Variants in MMP28 observed in about 807,000 individuals in gnomAD.
MMP28 encodes the protein matrix metallopeptidase 28, also known as matrix metalloproteinase-28.
A neutral mutation model predicts 60.5 loss-of-function variants in MMP28; 55 were observed. The observed-to-expected ratio is 0.91, with a 90% CI of 0.73 to 1.14. The LOEUF (loss-of-function observed/expected upper bound fraction) is 1.14, where lower values mean the gene tolerates loss of function less well. Ranked by LOEUF, MMP28 falls within the 50% of genes most tolerant of loss-of-function variation. The pLI is 0.00. For synonymous variants in MMP28, 318 were observed against 312.5 expected (o/e 1.02, Z -0.18); for missense variants, 686 against 738.3 (o/e 0.93, Z 0.82).
intron 1 of MMP28, among the ~76,000 whole-genome samples, chr17:35,794,245 C>CTTT (rs749895795): frequency 7.5e-6 from 1 of 133,602 alleles, no homozygotes; most frequent in Non-Finnish European, 1.6e-5. Context: ...ATTACAACCA[C>CTTT]TTTTTTTTTT....
intron 1 of MMP28, among the ~76,000 whole-genome samples, chr17:35,784,879 T>A (rs2086604816): frequency 6.6e-6 from 1 of 152,162 alleles, no homozygotes; most frequent in Non-Finnish European, 1.5e-5. Flanking sequence ...CCAGGTTTTC[T>A]CTCTTCTCTA....
chr17:35,794,245 C>CTT (rs749895795), intron 1 of MMP28, among the ~76,000 whole-genome samples: 47 of 133,604 alleles, frequency 3.5e-4, no homozygotes, highest in African/African-American at 7.4e-4. Context: ...ATTACAACCA[C>CTT]TTTTTTTTTT....
downstream of MMP28, chr17:35,765,062 C>T (rs2085907950): frequency 6.5e-6 from 1 of 152,694 alleles, no homozygotes; most frequent in African/African-American, 2.4e-5. Context: ...TTCAATAAAA[C>T]CTCTGATCAA....
chr17:35,767,288 G>T (rs756897808), intron 7 of MMP28, among the ~76,000 whole-genome samples: 2 of 152,160 alleles, frequency 1.3e-5, no homozygotes, highest in Non-Finnish European at 2.9e-5. Context: ...ACAAATGAAT[G>T]AATACTATTT....
rs759609205 is a variant in MMP28, at chr17:35,768,364, C to G, written c.866G>C (p.Gly289Ala). 9 of 1,610,134 alleles carry G rather than the reference C, an allele frequency of 5.6e-6. No individual in the cohort carries two copies. The highest frequency in any genetic ancestry group is 7.6e-6 in the Non-Finnish European group (9 of 1,178,400). Residue 289 changes from glycine to alanine, a missense_variant, in exon 6 of 8, where the codon GGC (glycine) becomes GCC (alanine). Gly to Ala is a moderately conservative substitution (Grantham distance 60, BLOSUM62 0). Coordinates refer to ENST00000605424, the MANE Select transcript of MMP28 (RefSeq NM_024302.5). The stretch of plus-strand genomic sequence containing the variant: ...TCCTGGGAGCTGGACGGCCACTGAG[C>G]CCCCTAGGGGCTTCCCTTTGTGAGT... ...VQSLYGKPLG[G>A]SVAVQLPGKL...
downstream of MMP28, chr17:35,764,536 T>C (rs1555602394): frequency 6.3e-7 from 1 of 1,598,010 alleles, no homozygotes; most frequent in Non-Finnish European, 8.5e-7. Context: ...TGCAGGAGTC[T>C]GCACAGCCAC....
Position 35,766,639 on chromosome 17 carries a change from C to T in MMP28, c.1424G>A (p.Gly475Asp), listed in dbSNP as rs753502013. 2 of 1,612,470 alleles carry T rather than the reference C, an allele frequency of 1.2e-6. No homozygotes were observed. Among genetic ancestry groups the T allele is most frequent in the Non-Finnish European group, 8.5e-7 (1 of 1,179,558 alleles). ...EVSGALPRPD[G>D]SIIFFRDDRY... ...GTCATCTCGGAAGAAGATGATGGAGCCATCGGGCCTCGGCAGGGCGCCGCT... is the reference window on the plus strand; with the variant it reads ...GTCATCTCGGAAGAAGATGATGGAGTCATCGGGCCTCGGCAGGGCGCCGCT... The change falls in exon 8 of 8, where the codon GGC (glycine) becomes GAC (aspartate). Residue 475 changes from glycine to aspartate, a missense_variant. Physicochemically the swap from Gly to Asp is moderately conservative, Grantham distance 94. Transcript: ENST00000605424. The surrounding 1 kb of genome is among the most constrained non-coding windows in gnomAD (Gnocchi z 4.3).
chr17:35,773,449 C>T (rs183375154), intron 3 of MMP28, 45 bp from the exon 4 acceptor site: 7 of 1,510,478 alleles, frequency 4.6e-6, no homozygotes, highest in African/African-American at 2.8e-5. Flanking sequence ...CTGCAGAGCC[C>T]GAGTCTGGTC....
chr17:35,786,699 C>CAAAAAAAAAAAAA lies in MMP28; in HGVS notation c.112-7389_112-7377dup, dbSNP rs200165337. On this transcript the variant is annotated intron_variant, in intron 1 of 7. Transcript: ENST00000605424. ...GCCTCATAGTGAGATCCTGTCTCTA[C>CAAAAAAAAAAAAA]AAAAAAAAAAAAAAAAGATGAATGA... is the stretch of plus-strand genomic sequence containing the variant. 7.7e-3 allele frequency among the ~76,000 whole-genome samples: 543 copies of CAAAAAAAAAAAAA among 70,928 alleles called. 44 individuals carry two copies. Among genetic ancestry groups the CAAAAAAAAAAAAA allele is most frequent in the South Asian group, 0.025 (49 of 1,998 alleles). The allele number at this position is 70,928 out of a possible 152,430, so 46.5% of individuals were successfully genotyped here.
At chr17:35,764,799 T>C (rs2085903060), downstream of MMP28, 1 of 640,488 alleles carries the variant, frequency 1.6e-6, no homozygotes, top group Admixed American at 4.1e-5. Context: ...GGTTCCCATC[T>C]GTCACCTAGC....
chr17:35,778,611 T>C (rs1555608182), intron 3 of MMP28: 1 of 617,364 alleles, frequency 1.6e-6, no homozygotes, highest in East Asian at 3.0e-5. Flanking sequence ...TTATCTGCCC[T>C]GCATTGAAAA....
At chr17:35,762,994 C>T (rs963820918), downstream of MMP28, among the ~76,000 whole-genome samples, 1 of 151,984 alleles carries the variant, frequency 6.6e-6, no homozygotes, top group Middle Eastern at 3.4e-3. Flanking sequence ...TGGTGGCGGG[C>T]GCCTATAGTC....
intron 4 of MMP28, 57 bp from the exon 5 acceptor site, chr17:35,770,369 C>A: frequency 6.9e-7 from 1 of 1,443,870 alleles, no homozygotes; most frequent in Non-Finnish European, 9.0e-7. Flanking sequence ...CCCAGGTACT[C>A]GCGGCCCAGC....
chr17:35,760,826 C>A, intron 2 of MMP28: 2 of 1,273,864 alleles, frequency 1.6e-6, no homozygotes, highest in Non-Finnish European at 2.3e-6. Flanking sequence ...AGGTTCTAGC[C>A]CCACCCCTTG....
chr17:35,786,149 T>C (rs938135308), intron 1 of MMP28, among the ~76,000 whole-genome samples: 2 of 151,728 alleles, frequency 1.3e-5, no homozygotes, highest in South Asian at 2.1e-4. Flanking sequence ...CTCTGCCTCC[T>C]GGGTTCAAGT....
At position 35,770,189 on chromosome 17, in the gene MMP28, C is replaced by A; in HGVS notation, c.728G>T (p.Gly243Val). 1 of 1,605,134 alleles carries A rather than the reference C, an allele frequency of 6.2e-7. No individual in the cohort carries two copies. The highest frequency in any genetic ancestry group is 1.1e-5 in the South Asian group (1 of 90,558). Residue 243 changes from glycine to valine, a missense_variant, in exon 5 of 8, where the codon GGT becomes GTT. By Grantham distance (109) the Gly-to-Val change is moderately radical. Transcript: ENST00000605424. Reference protein sequence around the residue: ...NLFVVLAHEIGHTLGLTHSPA... With the variant: ...NLFVVLAHEIVHTLGLTHSPA... Reference sequence around the variant, plus strand: ...CGAGTGGGTGAGGCCAAGCGTGTGACCGATCTCGTGCGCCAGCACCACGAA... The same window carrying A: ...CGAGTGGGTGAGGCCAAGCGTGTGAACGATCTCGTGCGCCAGCACCACGAA...
At chr17:35,761,021 A>C, downstream of MMP28, 1 of 1,529,250 alleles carries the variant, frequency 6.5e-7, no homozygotes, top group Non-Finnish European at 8.8e-7. Flanking sequence ...TGGACAATCC[A>C]GCCCATCACC....
intron 6 of MMP28, 53 bp downstream of exon 6, chr17:35,768,177 C>T: frequency 1.3e-6 from 2 of 1,546,910 alleles, no homozygotes; most frequent in Non-Finnish European, 1.7e-6. Flanking sequence ...TCTGGAGACA[C>T]TAAGAGATAT....
Position 35,766,494 on chromosome 17 carries a change from G to C in MMP28, c.*6C>G. The C allele has an allele frequency of 6.4e-7, 1 of 1,573,724 alleles. No individual in the cohort carries two copies. Among genetic ancestry groups the C allele is most frequent in the Non-Finnish European group, 8.6e-7 (1 of 1,158,054 alleles). The stretch of plus-strand genomic sequence containing the variant: ...CACCACCAGTTTCTGAGGTGAGGAG[G>C]TGCCTTCAGAACAGGGCGCTCCCCG... On this transcript the variant is annotated 3_prime_UTR_variant, in exon 8 of 8. Coordinates refer to ENST00000605424, the MANE Select transcript of MMP28 (RefSeq NM_024302.5). This position sits in a 1 kb window ranked among gnomAD's most constrained non-coding sequence, Gnocchi z 4.3.
Sources: gnomAD v4.1 joint callset for allele counts (sites outside exome capture counted in the v4.1 genomes callset) on GRCh38, gnomAD v4.1.1 for gene constraint, Gnocchi (gnomAD v3.1) non-coding constraint, MANE v1.5 for transcripts, NCBI Gene and HGNC (gene_info 2026-07-23, HGNC 2026-07-21) for gene names.